The following ANKRD44 variants were observed in gnomAD, a reference collection of about 807,000 sequenced individuals.
The protein encoded by ANKRD44 is ankyrin repeat domain 44.
ANKRD44 carries 35 observed loss-of-function variants against 116.0 expected under a neutral mutation model. The ratio of observed to expected loss-of-function variants is 0.30; its 90% CI spans 0.23 to 0.40. The LOEUF is 0.40. ANKRD44 is among the 10% of genes least tolerant of loss of function. ANKRD44 has a pLI of 1.00. For synonymous variants in ANKRD44, 435 were observed against 461.8 expected (o/e 0.94, Z 0.74); for missense variants, 1,014 against 1,242.6 (o/e 0.82, Z 2.77).
At chr2:197,307,908 G>A (rs2084121283) in intron 1 of ANKRD44, among the ~76,000 whole-genome samples, 1 of 152,344 alleles carries the variant, frequency 6.6e-6, no homozygotes, top group Middle Eastern at 3.4e-3. Context: ...AGTGGCTCAT[G>A]CCTGTAATCC....
intron 16 of ANKRD44, among the ~76,000 whole-genome samples, chr2:197,075,341 A>G (rs1373669442): frequency 6.6e-6 from 1 of 152,178 alleles, no homozygotes; most frequent in African/African-American, 2.4e-5. Flanking sequence ...GTAAGAATAC[A>G]TTTCAGATAG....
At chr2:197,081,464 A>G (rs1342269833) in intron 15 of ANKRD44, among the ~76,000 whole-genome samples, 181 bp downstream of exon 15, 7 of 152,228 alleles carry the variant, frequency 4.6e-5, no homozygotes, top group Admixed American at 4.6e-4. Context: ...CCTGTGTGAA[A>G]ATAGCAGAAT....
At chr2:196,981,185 C>T (rs2075799067) in intron 21 of ANKRD44, among the ~76,000 whole-genome samples, 1 of 152,194 alleles carries the variant, frequency 6.6e-6, no homozygotes, top group Non-Finnish European at 1.5e-5. Flanking sequence ...TTGACTACCA[C>T]TTTTTCAGTA....
chr2:197,261,962 C>G (rs923202341), intron 1 of ANKRD44, among the ~76,000 whole-genome samples: 2 of 152,078 alleles, frequency 1.3e-5, no homozygotes, highest in South Asian at 2.1e-4. Context: ...AGAGAAAAAC[C>G]GAGGGCAAAA....
rs372281685 is a variant in ANKRD44 at position 197,127,853 on chromosome 2, G to A, written c.262-1816C>T. Among the ~76,000 whole-genome samples, 8 of 152,014 alleles carry A rather than the reference G, an allele frequency of 5.3e-5. No individual in the cohort carries two copies. The South Asian group carries it at 6.2e-4, about 12-fold the overall frequency. ...CCACTGACAGGCCCCAGTGTGTGTC[G>A]TTCCTTCTCACATGTCCCTCTGTTC... is the stretch of plus-strand genomic sequence containing the variant. On this transcript the variant is annotated intron_variant, in intron 4 of 27. Transcript: ENST00000282272.
Position 197,007,796 on chromosome 2 carries a change from A to T in ANKRD44, c.2130+10T>A. 6.3e-7 allele frequency: 1 copy of T among 1,580,816 alleles called. No individual in the cohort carries two copies. Among genetic ancestry groups the T allele is most frequent in the Non-Finnish European group, 8.7e-7 (1 of 1,153,512 alleles). ...AATTGCTTGACTAGAGCTGAGAAAG[A>T]TGTACATACCCCTCTGTGTAAAGCT... On this transcript the variant is annotated intron_variant, in intron 20 of 27. Coordinates refer to ENST00000282272, the MANE Select transcript of ANKRD44 (RefSeq NM_001195144.2).
chr2:197,091,170 C>A (rs1188502805), intron 10 of ANKRD44, among the ~76,000 whole-genome samples: 10 of 152,252 alleles, frequency 6.6e-5, no homozygotes, highest in Admixed American at 6.5e-4. Flanking sequence ...CGCACTGTAA[C>A]ATGCCCTCAG....
rs35272229 is a variant in ANKRD44, at chr2:197,081,668, C to T, written c.1515G>A (p.Glu505=). Residue 505 remains glutamate, a synonymous_variant, in exon 15 of 28, where the codon GAG becomes GAA. Transcript: ENST00000282272. ...ACAGTGTGGCTTCCTTTTCCTTCAG[C>T]TCCCTGGCTCTTTCAAGTTCTTCTG... The part of the protein sequence containing the change: ...DNSEELERAR[E]LKEKEATLCL... 0.05 allele frequency: 80,290 copies of T among 1,613,040 alleles called. 2,279 individuals carry two copies. The highest frequency in any genetic ancestry group is 0.064 in the Middle Eastern group (390 of 6,060).
At chr2:196,993,416 AAGAC>A (rs1177921899) in intron 27 of ANKRD44, among the ~76,000 whole-genome samples, 163 bp downstream of exon 27, 1 of 152,248 alleles carries the variant, frequency 6.6e-6, no homozygotes, top group East Asian at 1.9e-4. Context: ...GATTTACAAA[AAGAC>A]AGACAGGACA....
In ANKRD44 at chr2:197,276,146, G is replaced by A. The variant is rs140430371; in HGVS notation, c.27+34432C>T. Among the ~76,000 whole-genome samples the A allele has an allele frequency of 4.0e-3, 613 of 151,880 alleles. 3 individuals are homozygous for A. The highest frequency in any genetic ancestry group is 0.014 in the African/African-American group (579 of 41,408). The stretch of plus-strand genomic sequence containing the variant: ...AAAAATTAGCCAGGCATGGTGGCAC[G>A]CACCTGTAATCCCAGCTACTTGGGA... On this transcript the variant is annotated intron_variant, in intron 1 of 27. Transcript: ENST00000282272.
At chr2:196,967,192 C>A in exon 22 of ANKRD44, 1 of 228,468 alleles carries the variant, frequency 4.4e-6, no homozygotes, top group South Asian at 6.1e-5. Flanking sequence ...AACACCCTTG[C>A]CTTCTGTTTT....
intron 4 of ANKRD44, among the ~76,000 whole-genome samples, chr2:197,127,839 C>T (rs2079010596): frequency 6.6e-6 from 1 of 152,094 alleles, no homozygotes; most frequent in South Asian, 2.1e-4. Context: ...CACTGACAGG[C>T]CCCAGTGTGT....
intron 23 of ANKRD44, among the ~76,000 whole-genome samples, chr2:196,999,256 G>T (rs1489849304): frequency 2.6e-5 from 4 of 152,144 alleles, no homozygotes; most frequent in Non-Finnish European, 5.9e-5. Context: ...CCTAGATTTG[G>T]GAGGGGGGTG....
At chr2:197,197,507 C>A (rs1184659674) in intron 1 of ANKRD44, among the ~76,000 whole-genome samples, 1 of 152,138 alleles carries the variant, frequency 6.6e-6, no homozygotes, top group African/African-American at 2.4e-5. Flanking sequence ...ATTTACTGAG[C>A]ATAAGAAATT....
chr2:197,100,722 A>G (rs555656305), intron 9 of ANKRD44, among the ~76,000 whole-genome samples: 2 of 152,260 alleles, frequency 1.3e-5, no homozygotes, highest in Non-Finnish European at 2.9e-5. Flanking sequence ...TAATATTATG[A>G]CTAAAATGAG....
chr2:197,193,247 T>C (rs2080865861), intron 1 of ANKRD44, among the ~76,000 whole-genome samples: 1 of 152,156 alleles, frequency 6.6e-6, no homozygotes, highest in African/African-American at 2.4e-5. Context: ...TTCCTGAGAT[T>C]CTCTTTGGGT....
At chr2:197,214,129 T>A (rs886274888) in intron 1 of ANKRD44, among the ~76,000 whole-genome samples, 3 of 152,088 alleles carry the variant, frequency 2.0e-5, no homozygotes, top group African/African-American at 4.8e-5. Flanking sequence ...GAAATTACTA[T>A]AAGGAAATGA....
At chr2:197,167,801 C>T (rs2080132252) in intron 2 of ANKRD44, among the ~76,000 whole-genome samples, 1 of 152,212 alleles carries the variant, frequency 6.6e-6, no homozygotes. Context: ...AAGTGATGAT[C>T]TTTGTCATCT....
At chr2:197,189,063 C>T (rs1326416842) in intron 1 of ANKRD44, among the ~76,000 whole-genome samples, 2 of 152,118 alleles carry the variant, frequency 1.3e-5, no homozygotes, top group Non-Finnish European at 2.9e-5. Context: ...CCCTATAAAC[C>T]CTCTTTTCTC....
Sources: gnomAD v4.1 joint callset for allele counts (sites outside exome capture counted in the v4.1 genomes callset) on GRCh38, gnomAD v4.1.1 for gene constraint, MANE v1.5 for transcripts, NCBI Gene and HGNC (gene_info 2026-07-23, HGNC 2026-07-21) for gene names.